The following LINGO1 variants were observed in gnomAD, a reference collection of about 807,000 sequenced individuals.
LINGO1 encodes leucine rich repeat and Ig domain containing 1, also known as leucine-rich repeat and immunoglobulin-like domain-containing nogo receptor-interacting protein 1.
In LINGO1, 11 loss-of-function variants were observed where a neutral mutation model predicts 37.3. The observed-to-expected ratio is 0.29, with a 90% CI of 0.19 to 0.49. The LOEUF (loss-of-function observed/expected upper bound fraction) is 0.49. LINGO1 is among the 20% of genes least tolerant of loss of function. The probability of loss-of-function intolerance (pLI) is 0.99; values close to 1 mark genes in which losing one functional copy is unlikely to be tolerated. For missense variants in LINGO1, 585 were observed against 878.2 expected (o/e 0.67, Z 4.22); for synonymous variants, 387 against 403.0 (o/e 0.96, Z 0.48).
At chr15:77,657,290 G>A (rs114256597) in intron 3 of LINGO1, among the ~76,000 whole-genome samples, 1 of 151,852 alleles carries the variant, frequency 6.6e-6, no homozygotes, top group Non-Finnish European at 1.5e-5. Flanking sequence ...GCTAGTCATG[G>A]GGCATCTTGA....
In LINGO1 at chr15:77,614,924, G is replaced by GA; in HGVS notation, c.982_983insT (p.Pro328LeufsTer85). 1 of 1,613,766 alleles carries GA rather than the reference G, an allele frequency of 6.2e-7. No homozygotes were observed. On this transcript the variant is annotated frameshift_variant, in exon 2 of 2. Transcript: ENST00000355300. LOFTEE classifies it high-confidence loss of function. ...GTAGTTGAGGCCGCGGAAGGCATAG[G>GA]GCTCCACCACGGCCAGCTGCCCGCC...
At chr15:77,635,062 C>A (rs559369636), upstream of LINGO1, among the ~76,000 whole-genome samples, 1 of 152,312 alleles carries the variant, frequency 6.6e-6, no homozygotes, top group African/African-American at 2.4e-5. Flanking sequence ...CCGCTAACCC[C>A]CAGGTGCTAC....
rs1567471757 is a variant in LINGO1, at chr15:77,632,195, T to G, written c.6+115A>C. 6.5e-6 allele frequency: 7 copies of G among 1,082,006 alleles called. No individual in the cohort carries two copies. The East Asian group carries it at 9.9e-5, about 15-fold the overall frequency. 67.0% of individuals were successfully genotyped at this position (1,082,006 alleles called of 1,614,324 possible). ...CCTATGACCCCAAAGGAGGTCTGGG[T>G]GGCACCGAGGTGCCCTGCAACCCCA... On this transcript the variant is annotated intron_variant, in intron 1 of 1. Transcript: ENST00000355300. This position sits in a 1 kb window ranked among gnomAD's most constrained non-coding sequence, Gnocchi z 6.0.
rs2073563035 is a variant in LINGO1, at chr15:77,613,089, C to T, written c.*955G>A. On this transcript the variant is annotated 3_prime_UTR_variant, in exon 2 of 2. Coordinates refer to ENST00000355300, the MANE Select transcript of LINGO1 (RefSeq NM_032808.7). ...CACATACATCATCTCATCAATTCCT[C>T]ACAACAGCCCTGTGAGGTAGGCAGG... 6.6e-6 allele frequency: 1 copy of T among 152,472 alleles called. No homozygotes were observed. Among genetic ancestry groups the T allele is most frequent in the South Asian group, 2.1e-4 (1 of 4,834 alleles). 9.4% of individuals were successfully genotyped at this position (152,472 alleles called of 1,614,324 possible).
In LINGO1 at chr15:77,687,611, A is replaced by G. The variant is rs963986223; in HGVS notation, c.-99+3109T>C. Among the ~76,000 whole-genome samples the G allele has an allele frequency of 4.3e-4, 66 of 152,346 alleles. 1 individual carries two copies. The highest frequency in any genetic ancestry group is 1.5e-3 in the African/African-American group (64 of 41,590). On this transcript the variant is annotated intron_variant, in intron 2 of 3. Transcript: ENST00000559893. ...TTCCTTGCCTCCCCACCTAGCCTTC[A>G]AAAACACAGTGAGGACAGTCAGCCT...
intron 1 of LINGO1, among the ~76,000 whole-genome samples, chr15:77,694,082 G>T (rs1418367297): frequency 6.6e-6 from 1 of 152,092 alleles, no homozygotes; most frequent in Non-Finnish European, 1.5e-5. Context: ...GTTGGGTGGG[G>T]ATTTGCACTA....
In LINGO1 at chr15:77,615,172, C is replaced by G; in HGVS notation, c.735G>C (p.Glu245Asp). 6.2e-7 allele frequency: 1 copy of G among 1,613,838 alleles called. No homozygotes were observed. Among genetic ancestry groups the G allele is most frequent in the African/African-American group, 1.3e-5 (1 of 75,020 alleles). ...TGTCCAAGTAGGGCCAGTGGGAGAT[C>G]TCCAAGACCTTGAGTCGGTACAGCC... ...FKRLYRLKVL[E>D]ISHWPYLDTM... The change falls in exon 2 of 2, where the codon GAG (glutamate) becomes GAC (aspartate). Residue 245 changes from glutamate to aspartate, a missense_variant. Glu to Asp is a conservative substitution (Grantham distance 45, BLOSUM62 2). This residue lies in a region of LINGO1 where 484 missense variants were observed against 735.0 expected (regional missense o/e 0.66). Coordinates refer to ENST00000355300, the MANE Select transcript of LINGO1 (RefSeq NM_032808.7).
chr15:77,759,629 C>T (rs1328579960), intron 1 of LINGO1, among the ~76,000 whole-genome samples: 1 of 152,174 alleles, frequency 6.6e-6, no homozygotes, highest in Non-Finnish European at 1.5e-5. Flanking sequence ...TTCAGAAGTG[C>T]AGGGGAGCTG....
At chr15:77,800,669 A>G (rs2076910936) in intron 1 of LINGO1, among the ~76,000 whole-genome samples, 1 of 152,256 alleles carries the variant, frequency 6.6e-6, no homozygotes, top group Non-Finnish European at 1.5e-5. Flanking sequence ...TATGCCAGAC[A>G]TTAAATCCAG....
chr15:77,638,229 G>A (rs1301622068), upstream of LINGO1, among the ~76,000 whole-genome samples: 1 of 152,212 alleles, frequency 6.6e-6, no homozygotes, highest in Non-Finnish European at 1.5e-5. Context: ...TGGCTGAGAA[G>A]CAAGAAATTG....
At chr15:77,674,489 T>C (rs2141212272) in intron 3 of LINGO1, among the ~76,000 whole-genome samples, 1 of 152,204 alleles carries the variant, frequency 6.6e-6, no homozygotes, top group African/African-American at 2.4e-5. Flanking sequence ...GAGTGATGAG[T>C]GCGTGGTCCC....
chr15:77,677,925 TA>T (rs2075355106), intron 2 of LINGO1, among the ~76,000 whole-genome samples: 1 of 152,116 alleles, frequency 6.6e-6, no homozygotes, highest in African/African-American at 2.4e-5. Context: ...TGAAGCCCCT[TA>T]ACCTGGCCCA....
intron 2 of LINGO1, among the ~76,000 whole-genome samples, chr15:77,717,597 G>A (rs1212561432): frequency 6.6e-6 from 1 of 150,818 alleles, no homozygotes; most frequent in Non-Finnish European, 1.5e-5. Flanking sequence ...CCCGATAGTT[G>A]GGGAGGAATG....
At position 77,810,330 on chromosome 15, in the gene LINGO1, GCA is replaced by G. The variant is rs985818947; in HGVS notation, c.-458+9926_-458+9927del. Among the ~76,000 whole-genome samples the G allele has an allele frequency of 1.3e-4, 19 of 147,864 alleles. No individual in the cohort carries two copies. In the East Asian group the frequency reaches 2.3e-3, roughly 18 times the overall value. On this transcript the variant is annotated intron_variant, in intron 1 of 5. Coordinates refer to the LINGO1 transcript ENST00000562933. ...TAGGCTCACACACACACATACACAT[GCA>G]CACACACACACATGCACACACACAC...
At chr15:77,749,693 C>T (rs1307837229) in intron 1 of LINGO1, among the ~76,000 whole-genome samples, 1 of 152,238 alleles carries the variant, frequency 6.6e-6, no homozygotes, top group Non-Finnish European at 1.5e-5. Context: ...CACCAGACCA[C>T]CCTCCAACCC....
At chr15:77,678,599 G>A (rs1228255588) in intron 2 of LINGO1, among the ~76,000 whole-genome samples, 1 of 152,204 alleles carries the variant, frequency 6.6e-6, no homozygotes. Flanking sequence ...AGTTTTTGGA[G>A]ATTATGAATA....
At chr15:77,670,413 CAT>C (rs1288373466) in intron 3 of LINGO1, among the ~76,000 whole-genome samples, 1 of 152,256 alleles carries the variant, frequency 6.6e-6, no homozygotes, top group African/African-American at 2.4e-5. Context: ...CCACAAGCCA[CAT>C]GTCTGTCTGC....
chr15:77,616,681 C>T (rs1011991609), intron 1 of LINGO1, among the ~76,000 whole-genome samples: 4 of 152,186 alleles, frequency 2.6e-5, no homozygotes, highest in Admixed American at 2.0e-4. Context: ...CTGTGACTCT[C>T]CACTTCCTCT....
chr15:77,644,258 T>C (rs2074574123), intron 3 of LINGO1, among the ~76,000 whole-genome samples: 1 of 152,206 alleles, frequency 6.6e-6, no homozygotes, highest in South Asian at 2.1e-4. Context: ...CTGCAGCTCC[T>C]TCACCAGTCC....
Sources: gnomAD v4.1 joint callset for allele counts (sites outside exome capture counted in the v4.1 genomes callset) on GRCh38, gnomAD v4.1.1 for gene constraint, gnomAD v4.1.1 regional missense constraint, Gnocchi (gnomAD v3.1) non-coding constraint, MANE v1.5 for transcripts, NCBI Gene and HGNC (gene_info 2026-07-23, HGNC 2026-07-21) for gene names.